The following MEIS2 variants were observed in gnomAD, a reference collection of about 807,000 sequenced individuals.
MEIS2 encodes the protein homeobox protein Meis2.
In MEIS2, 9 loss-of-function variants were observed where a neutral mutation model predicts 58.6. The ratio of observed to expected loss-of-function variants is 0.15; its 90% CI spans 0.09 to 0.27. The LOEUF (loss-of-function observed/expected upper bound fraction) is 0.27, where lower values mean the gene tolerates loss of function less well. MEIS2 is among the 10% of genes least tolerant of loss of function. The pLI is 1.00. For synonymous variants in MEIS2, 221 were observed against 228.4 expected, an observed-to-expected ratio of 0.97 and a Z score of 0.29; for missense variants, 427 against 635.0, an observed-to-expected ratio of 0.67 and a Z score of 3.52.
chr15:36,920,910 G>A (rs946536058), intron 9 of MEIS2, among the ~76,000 whole-genome samples: 2 of 152,072 alleles, frequency 1.3e-5, no homozygotes, highest in Admixed American at 6.5e-5. Flanking sequence ...TTTAACCAGC[G>A]CTCACGGCCG....
intron 8 of MEIS2, among the ~76,000 whole-genome samples, chr15:36,958,539 A>G (rs2059070299): frequency 6.6e-6 from 1 of 152,212 alleles, no homozygotes; most frequent in Non-Finnish European, 1.5e-5. Context: ...GATACCACCA[A>G]CACTCATTTT....
chr15:36,996,039 A>T (rs1212075928), intron 8 of MEIS2, among the ~76,000 whole-genome samples: 1 of 106,638 alleles, frequency 9.4e-6, no homozygotes, highest in East Asian at 3.4e-4. Context: ...ATATACACAC[A>T]CACACACATA....
chr15:36,908,839 T>C (rs777410936), intron 9 of MEIS2, among the ~76,000 whole-genome samples: 1 of 151,998 alleles, frequency 6.6e-6, no homozygotes, highest in African/African-American at 2.4e-5. Flanking sequence ...CTCGGGAGGC[T>C]GAGGCAGGAG....
chr15:36,973,583 C>G (rs953947394), intron 8 of MEIS2, among the ~76,000 whole-genome samples: 2 of 152,050 alleles, frequency 1.3e-5, no homozygotes, highest in Non-Finnish European at 2.9e-5. Flanking sequence ...AAACCCAAAG[C>G]GTTCATCTAT....
chr15:36,952,720 G>C (rs1003232593), intron 8 of MEIS2, among the ~76,000 whole-genome samples: 1 of 151,622 alleles, frequency 6.6e-6, no homozygotes, highest in Non-Finnish European at 1.5e-5. Flanking sequence ...CAGAATAGTT[G>C]AAATGGGAGA....
intron 9 of MEIS2, among the ~76,000 whole-genome samples, chr15:36,937,518 T>C (rs147763493): frequency 7.4e-4 from 113 of 152,342 alleles, no homozygotes; most frequent in African/African-American, 2.5e-3. Context: ...AAATAAGATA[T>C]ACTTTTTATA....
intron 8 of MEIS2, among the ~76,000 whole-genome samples, chr15:36,952,425 G>A (rs2058783347): frequency 1.3e-5 from 2 of 152,076 alleles, no homozygotes; most frequent in Admixed American, 1.3e-4. Flanking sequence ...TGAAAATAAG[G>A]ATGCATCACA....
intron 8 of MEIS2, among the ~76,000 whole-genome samples, chr15:36,953,178 T>C (rs1052367774): frequency 2.6e-5 from 4 of 152,124 alleles, no homozygotes; most frequent in African/African-American, 9.7e-5. Context: ...ACCATGACAA[T>C]GTGTTTTGGA....
chr15:37,094,040 A>C (rs975331900), intron 5 of MEIS2: 2 of 346,070 alleles, frequency 5.8e-6, no homozygotes, highest in Non-Finnish European at 5.3e-6. Context: ...CTGATTTGAT[A>C]ATAACATCAA....
intron 8 of MEIS2, among the ~76,000 whole-genome samples, chr15:36,953,749 G>A (rs771812011): frequency 4.6e-5 from 7 of 152,196 alleles, no homozygotes; most frequent in Non-Finnish European, 1.0e-4. Flanking sequence ...CACGTAGATA[G>A]AAAATGTATT....
At chr15:37,029,256 T>C (rs2061821925) in intron 8 of MEIS2, among the ~76,000 whole-genome samples, 1 of 152,228 alleles carries the variant, frequency 6.6e-6, no homozygotes, top group African/African-American at 2.4e-5. Context: ...CATTTCCACA[T>C]AAGTATTTCT....
chr15:37,043,778 C>T (rs2062544342), intron 7 of MEIS2, among the ~76,000 whole-genome samples: 1 of 151,294 alleles, frequency 6.6e-6, no homozygotes, highest in Non-Finnish European at 1.5e-5. Flanking sequence ...ACCTCCACCT[C>T]CCTGGTTCAA....
chr15:37,037,102 C>A (rs2062188774), intron 7 of MEIS2, 143 bp from the exon 8 acceptor site: 2 of 803,946 alleles, frequency 2.5e-6, no homozygotes, highest in African/African-American at 3.6e-5. Flanking sequence ...TAATTGGAGA[C>A]ACAAATATGT....
intron 8 of MEIS2, among the ~76,000 whole-genome samples, chr15:37,000,394 C>A (rs2060678508): frequency 6.6e-6 from 1 of 152,112 alleles, no homozygotes; most frequent in Non-Finnish European, 1.5e-5. Flanking sequence ...AGCTTGCCAG[C>A]CTCAACTGCA....
intron 10 of MEIS2, among the ~76,000 whole-genome samples, chr15:36,895,571 A>G (rs2290186): frequency 0.12 from 17,630 of 152,184 alleles, 1,203 homozygotes; most frequent in Admixed American, 0.2. Flanking sequence ...CCATATACAA[A>G]TATTGCAATG....
In MEIS2 at chr15:36,913,187, C is replaced by T. The variant is rs138689426; in HGVS notation, c.978-16501G>A. On this transcript the variant is annotated intron_variant, in intron 9 of 11. Transcript: ENST00000561208. Reference sequence around the variant, plus strand: ...CAACTCAGACTTACTCGGTTCTTAGCGCCTAGCTCAGTCTCCTGTTTAGAG... The same window carrying T: ...CAACTCAGACTTACTCGGTTCTTAGTGCCTAGCTCAGTCTCCTGTTTAGAG... 1.9e-3 allele frequency among the ~76,000 whole-genome samples: 289 copies of T among 152,312 alleles called. 1 individual carries two copies. Among genetic ancestry groups the T allele is most frequent in the African/African-American group, 6.7e-3 (278 of 41,560 alleles).
In MEIS2 at chr15:36,890,606, G is replaced by C. The variant is rs1181677366; in HGVS notation, c.*1567C>G. The C allele has an allele frequency of 6.6e-6, 1 of 152,066 alleles. No homozygotes were observed. The highest frequency in any genetic ancestry group is 2.4e-5 in the African/African-American group (1 of 41,402). 9.4% of individuals were successfully genotyped at this position (152,066 alleles called of 1,614,324 possible). On this transcript the variant is annotated 3_prime_UTR_variant, in exon 12 of 12. Transcript: ENST00000561208. ...CATTTACATATCCAACAATATTGTA[G>C]TAAGACAGGCAGAGGAAAAACACAG...
Position 36,890,790 on chromosome 15 carries a change from G to C in MEIS2, c.*1383C>G, listed in dbSNP as rs1033913967. The C allele has an allele frequency of 6.6e-6, 1 of 152,160 alleles. No individual in the cohort carries two copies. The highest frequency in any genetic ancestry group is 1.5e-5 in the Non-Finnish European group (1 of 68,010). The allele number at this position is 152,160 out of a possible 1,614,324, so 9.4% of individuals were successfully genotyped here. ...TAAAAAGGAGGTTGAGCATGTTCAA[G>C]GGGATCTTTCAACCTGGCTCATCAT... On this transcript the variant is annotated 3_prime_UTR_variant, in exon 12 of 12. Transcript: ENST00000561208.
intron 7 of MEIS2, among the ~76,000 whole-genome samples, chr15:37,077,826 T>C (rs1178983984): frequency 6.6e-6 from 1 of 152,064 alleles, no homozygotes; most frequent in African/African-American, 2.4e-5. Context: ...GATCATTTTG[T>C]TTAATCACCT....
Sources: gnomAD v4.1 joint callset for allele counts (sites outside exome capture counted in the v4.1 genomes callset) on GRCh38, gnomAD v4.1.1 for gene constraint, MANE v1.5 for transcripts, NCBI Gene and HGNC (gene_info 2026-07-23, HGNC 2026-07-21) for gene names.